The following LNX2 variants were observed in gnomAD, a reference collection of about 807,000 sequenced individuals.
LNX2 encodes ligand of Numb protein X 2.
A neutral mutation model predicts 66.2 loss-of-function variants in LNX2; 35 were observed. That is an observed-to-expected ratio of 0.53 (90% CI 0.40 to 0.70). LNX2 has a LOEUF of 0.70. Ranked by LOEUF, LNX2 falls within the 30% of genes least tolerant of loss-of-function variation. The probability of loss-of-function intolerance (pLI) is 0.00; values close to 1 mark genes in which losing one functional copy is unlikely to be tolerated. For missense variants in LNX2, 791 were observed against 850.8 expected, an observed-to-expected ratio of 0.93 and a Z score of 0.87; for synonymous variants, 337 against 315.6, an observed-to-expected ratio of 1.07 and a Z score of -0.72.
intron 1 of LNX2, among the ~76,000 whole-genome samples, chr13:27,617,236 G>C (rs1007977373): frequency 5.3e-5 from 8 of 152,198 alleles, no homozygotes; most frequent in African/African-American, 1.9e-4. Flanking sequence ...CCTCCTACAG[G>C]GTCAATTTAG....
At chr13:27,607,065 T>C (rs1258023495) in intron 1 of LNX2, among the ~76,000 whole-genome samples, 2 of 152,230 alleles carry the variant, frequency 1.3e-5, no homozygotes, top group Admixed American at 1.3e-4. Context: ...AGTTATTTCC[T>C]ATCATAAAAA....
intron 5 of LNX2, among the ~76,000 whole-genome samples, chr13:27,561,777 A>G (rs1377675454): frequency 2.6e-5 from 4 of 152,226 alleles, no homozygotes; most frequent in Non-Finnish European, 4.4e-5. Context: ...AGTTGCTCAT[A>G]TCATTAAATG....
In LNX2 at chr13:27,581,648, A is replaced by C; in HGVS notation, c.56T>G (p.Leu19Arg). The C allele has an allele frequency of 6.2e-7, 1 of 1,614,002 alleles. No individual in the cohort carries two copies. Among genetic ancestry groups the C allele is most frequent in the Non-Finnish European group, 8.5e-7 (1 of 1,179,938 alleles). Residue 19 changes from leucine (L) to arginine (R), a missense_variant, in exon 2 of 10, where the codon CTA becomes CGA. Transcript: ENST00000316334. ...GCCACATTCAAAACACAGGGGGTTT[A>C]GAGAAGAGGAGGAGGTCTGTTCCAC... ...VSVEQTSSSSLNPLCFECGQQ... is the reference protein window; with the variant it reads ...VSVEQTSSSSRNPLCFECGQQ...
In LNX2 at chr13:27,562,602, C is replaced by G; in HGVS notation, c.1035G>C (p.Arg345=). Residue 345 remains arginine, a synonymous_variant, in exon 5 of 10, where the codon CGG becomes CGC. Transcript: ENST00000316334. ...EEIFQVALHK[R]DSGEQLGIKL... Reference sequence around the variant, plus strand: ...TAATGCCAAGCTGTTCACCAGAGTCCCGTTTATGAAGAGCCACTTGGAAAA... The same window carrying G: ...TAATGCCAAGCTGTTCACCAGAGTCGCGTTTATGAAGAGCCACTTGGAAAA... 1 of 1,614,156 alleles carries G rather than the reference C, an allele frequency of 6.2e-7. No individual in the cohort carries two copies. The highest frequency in any genetic ancestry group is 8.5e-7 in the Non-Finnish European group (1 of 1,180,034).
rs1955710255 is a variant in LNX2, at chr13:27,605,948, T to C, written c.-101+14427A>G. On this transcript the variant is annotated intron_variant, in intron 1 of 9. Transcript: ENST00000316334. The stretch of plus-strand genomic sequence containing the variant: ...TCTAGATCTAACATCATATTCTAAT[T>C]GAACTCAAGGAAAAGACCACCTCTC... Among the ~76,000 whole-genome samples, 2 of 152,128 alleles carry C rather than the reference T, an allele frequency of 1.3e-5. 1 individual carries two copies. Among genetic ancestry groups the C allele is most frequent in the South Asian group, 4.1e-4 (2 of 4,826 alleles).
In LNX2 at chr13:27,548,145, A is replaced by G; in HGVS notation, c.*190T>C. On this transcript the variant is annotated 3_prime_UTR_variant, in exon 10 of 10. Transcript: ENST00000316334. Reference sequence around the variant, plus strand: ...CAAAGGTTAGTGGAAGACTGTTTCCAAGCTAAAAGAAATGTAACTAACTTA... The same window carrying G: ...CAAAGGTTAGTGGAAGACTGTTTCCGAGCTAAAAGAAATGTAACTAACTTA... 1 of 557,304 alleles carries G rather than the reference A, an allele frequency of 1.8e-6. No individual in the cohort carries two copies. The highest frequency in any genetic ancestry group is 3.2e-6 in the Non-Finnish European group (1 of 317,026). 34.5% of individuals were successfully genotyped at this position (557,304 alleles called of 1,614,324 possible).
intron 1 of LNX2, among the ~76,000 whole-genome samples, chr13:27,586,063 T>A (rs1452621422): frequency 1.3e-5 from 2 of 148,660 alleles, no homozygotes; most frequent in African/African-American, 4.9e-5. Context: ...CTTATATATA[T>A]AAGGCAGTAC....
intron 1 of LNX2, among the ~76,000 whole-genome samples, chr13:27,608,910 T>C (rs1317300804): frequency 6.6e-6 from 1 of 151,842 alleles, no homozygotes; most frequent in Non-Finnish European, 1.5e-5. Flanking sequence ...GTTCAAGCGA[T>C]TCTCTTGCCT....
At chr13:27,554,350 T>C (rs1955035776) in intron 7 of LNX2, among the ~76,000 whole-genome samples, 1 of 152,202 alleles carries the variant, frequency 6.6e-6, no homozygotes, top group Admixed American at 6.5e-5. Context: ...TGTGCAATCA[T>C]CACTACAGTA....
At position 27,614,892 on chromosome 13, in the gene LNX2, A is replaced by T. The variant is rs1214471692; in HGVS notation, c.-101+5483T>A. 5.9e-5 allele frequency among the ~76,000 whole-genome samples: 9 copies of T among 152,312 alleles called. No individual in the cohort carries two copies. The South Asian group carries it at 1.2e-3, about 21-fold the overall frequency. On this transcript the variant is annotated intron_variant, in intron 1 of 9. Coordinates refer to ENST00000316334, the MANE Select transcript of LNX2 (RefSeq NM_153371.4). ...TATCTATAAAACAAAGTGATAGACAACAGAGCCTTGGAAACTGAGAGGAAA... is the reference window on the plus strand; with the variant it reads ...TATCTATAAAACAAAGTGATAGACATCAGAGCCTTGGAAACTGAGAGGAAA...
chr13:27,582,312 C>A (rs977620771), intron 1 of LNX2, among the ~76,000 whole-genome samples: 3 of 152,036 alleles, frequency 2.0e-5, no homozygotes, highest in Non-Finnish European at 4.4e-5. Context: ...CAGGTGTGAG[C>A]CACCGTGCCT....
intron 9 of LNX2, 122 bp from the exon 10 acceptor site, chr13:27,548,592 G>T: frequency 9.5e-7 from 1 of 1,049,372 alleles, no homozygotes; most frequent in Non-Finnish European, 1.4e-6. Flanking sequence ...AATGGTTAGG[G>T]TGTATAATCT....
At chr13:27,583,215 T>TGCGCGCGCGCGCGC (rs1449791231) in intron 1 of LNX2, among the ~76,000 whole-genome samples, 1 of 23,004 alleles carries the variant, frequency 4.3e-5, no homozygotes, top group Non-Finnish European at 7.6e-5. Flanking sequence ...TGTGTGTGTG[T>TGCGCGCGCGCGCGC]GTGTGTGTGT....
chr13:27,591,075 C>T (rs1593257159), intron 1 of LNX2, among the ~76,000 whole-genome samples: 1 of 152,004 alleles, frequency 6.6e-6, no homozygotes, highest in African/African-American at 2.4e-5. Context: ...CCTTGAAGAG[C>T]CATATTTGTG....
At chr13:27,611,975 A>G (rs1955778376) in intron 1 of LNX2, among the ~76,000 whole-genome samples, 1 of 152,212 alleles carries the variant, frequency 6.6e-6, no homozygotes, top group African/African-American at 2.4e-5. Context: ...CATAGAAAAG[A>G]AGGGAGTTAA....
At chr13:27,599,532 GAAATTCAT>G in intron 1 of LNX2, among the ~76,000 whole-genome samples, 1 of 152,128 alleles carries the variant, frequency 6.6e-6, no homozygotes, top group Non-Finnish European at 1.5e-5. Context: ...TCCCGTAAAA[GAAATTCAT>G]TTACGTTACA....
intron 7 of LNX2, among the ~76,000 whole-genome samples, chr13:27,554,113 A>G (rs1955033612): frequency 6.6e-6 from 1 of 152,218 alleles, no homozygotes. Context: ...GTCTACAGAA[A>G]TTTATCTCTC....
chr13:27,612,859 CA>C (rs1241513299), intron 1 of LNX2, among the ~76,000 whole-genome samples: 1 of 152,192 alleles, frequency 6.6e-6, no homozygotes, highest in Non-Finnish European at 1.5e-5. Flanking sequence ...CAAAGTGAGC[CA>C]CCATGCCTGG....
intron 6 of LNX2, 64 bp from the exon 7 acceptor site, chr13:27,556,477 C>T: frequency 7.4e-7 from 1 of 1,354,532 alleles, no homozygotes; most frequent in East Asian, 2.4e-5. Context: ...AAAGTTATTA[C>T]TTCAAACTAA....
Sources: gnomAD v4.1 joint callset for allele counts (sites outside exome capture counted in the v4.1 genomes callset) on GRCh38, gnomAD v4.1.1 for gene constraint, MANE v1.5 for transcripts, NCBI Gene and HGNC (gene_info 2026-07-23, HGNC 2026-07-21) for gene names.